The following SCML4 variants were observed in gnomAD, a reference collection of about 807,000 sequenced individuals.
The protein encoded by SCML4 is sex comb on midleg-like protein 4.
In SCML4, 34 loss-of-function variants were observed where a neutral mutation model predicts 41.1. The ratio of observed to expected loss-of-function variants is 0.83; its 90% CI spans 0.63 to 1.10. The LOEUF is 1.10. Ranked by LOEUF, SCML4 falls within the 50% of genes least tolerant of loss-of-function variation. SCML4 has a pLI of 0.00. For missense variants in SCML4, 522 were observed against 534.1 expected (o/e 0.98, Z 0.22); for synonymous variants, 214 against 220.9 (o/e 0.97, Z 0.28).
chr6:107,782,785 G>A (rs1471386219), intron 1 of SCML4, among the ~76,000 whole-genome samples: 65 of 149,482 alleles, frequency 4.3e-4, no homozygotes, highest in Non-Finnish European at 7.6e-4. Flanking sequence ...GGCAGGTGCT[G>A]GTCTGAGTTT....
At chr6:107,817,008 C>T (rs979199193) in intron 1 of SCML4, among the ~76,000 whole-genome samples, 2 of 152,142 alleles carry the variant, frequency 1.3e-5, no homozygotes, top group African/African-American at 4.8e-5. Context: ...CAAAGCGTGG[C>T]CTGGGTTTTC....
chr6:107,811,636 C>T (rs1784167013), intron 1 of SCML4, among the ~76,000 whole-genome samples: 1 of 152,188 alleles, frequency 6.6e-6, no homozygotes, highest in Admixed American at 6.5e-5. Flanking sequence ...CCTGAAGTTC[C>T]CCTCAATGAT....
rs995184696 is a variant in SCML4, at chr6:107,745,107, C to A, written c.524G>T (p.Ser175Ile). The change falls in exon 5 of 8, where the codon AGC becomes ATC. Residue 175 changes from serine (S) to isoleucine (I), a missense_variant. By Grantham distance (142) the Ser-to-Ile change is moderately radical. Transcript: ENST00000369020. ...GCCGATGCTGTTCACCACAGGCAGGCTCCGCAGGTGCTGTTTGCCATCAAA... is the reference window on the plus strand; with the variant it reads ...GCCGATGCTGTTCACCACAGGCAGGATCCGCAGGTGCTGTTTGCCATCAAA... Reference protein sequence around the residue: ...ASFDGKQHLRSLPVVNSIGYV... With the variant: ...ASFDGKQHLRILPVVNSIGYV... The A allele has an allele frequency of 1.9e-6, 3 of 1,603,126 alleles. No individual in the cohort carries two copies. Among genetic ancestry groups the A allele is most frequent in the Non-Finnish European group, 2.6e-6 (3 of 1,174,678 alleles).
At chr6:107,820,440 T>A (rs1033239532) in intron 1 of SCML4, among the ~76,000 whole-genome samples, 1 of 152,232 alleles carries the variant, frequency 6.6e-6, no homozygotes, top group Non-Finnish European at 1.5e-5. Context: ...TGGGGCAGGC[T>A]GCTCTGCAAT....
chr6:107,774,369 A>G (rs17528484), intron 1 of SCML4, among the ~76,000 whole-genome samples: 27,572 of 152,148 alleles, frequency 0.18, 3,037 homozygotes, highest in South Asian at 0.27. Context: ...CTTAAAGTCA[A>G]TCAGTTAGGA....
intron 1 of SCML4, among the ~76,000 whole-genome samples, chr6:107,785,175 T>C (rs1297288859): frequency 6.6e-6 from 1 of 152,220 alleles, no homozygotes; most frequent in Admixed American, 6.5e-5. Flanking sequence ...GGTCCAGAGT[T>C]GTATTTGGGT....
intron 7 of SCML4, among the ~76,000 whole-genome samples, 161 bp downstream of exon 7, chr6:107,707,705 G>T (rs1039481858): frequency 6.6e-6 from 1 of 152,186 alleles, no homozygotes; most frequent in African/African-American, 2.4e-5. Flanking sequence ...GGTTGTACCT[G>T]TCCCTCTCAT....
chr6:107,744,383 T>C (rs1158607311), intron 5 of SCML4, among the ~76,000 whole-genome samples: 2 of 152,210 alleles, frequency 1.3e-5, no homozygotes, highest in East Asian at 3.8e-4. Flanking sequence ...TAGGCCACTT[T>C]CCATCTTGTG....
At chr6:107,749,321 G>T (rs141866762) in intron 3 of SCML4, among the ~76,000 whole-genome samples, 1 of 152,202 alleles carries the variant, frequency 6.6e-6, no homozygotes, top group African/African-American at 2.4e-5. Context: ...AGCAAACACA[G>T]GAACAAGAGC....
intron 6 of SCML4, among the ~76,000 whole-genome samples, chr6:107,717,821 T>G (rs978591240): frequency 1.3e-5 from 2 of 152,206 alleles, no homozygotes; most frequent in Non-Finnish European, 2.9e-5. Context: ...GTGGTGGGAT[T>G]GCAGGCATGA....
At chr6:107,800,217 A>G (rs1783012919) in intron 1 of SCML4, among the ~76,000 whole-genome samples, 2 of 152,182 alleles carry the variant, frequency 1.3e-5, no homozygotes, top group Admixed American at 1.3e-4. Flanking sequence ...CCTTCTTTAC[A>G]TGTCTAATTA....
the SCML4 span, among the ~76,000 whole-genome samples, chr6:107,842,149 T>C: frequency 6.6e-6 from 1 of 152,166 alleles, no homozygotes; most frequent in Non-Finnish European, 1.5e-5. Flanking sequence ...ATTTTTTTCA[T>C]TTGTCTTGAG....
chr6:107,704,874 T>C lies in SCML4; in HGVS notation c.*326A>G. 1 of 378,732 alleles carries C rather than the reference T, an allele frequency of 2.6e-6. No individual in the cohort carries two copies. The highest frequency in any genetic ancestry group is 4.9e-6 in the Non-Finnish European group (1 of 204,276). The allele number at this position is 378,732 out of a possible 1,614,324, so 23.5% of individuals were successfully genotyped here. A position where few individuals can be genotyped will look rare whatever the true frequency, so the allele number is the denominator to read the frequency against. ...TTTCATCCTTTGAACCCTCCAGAACTCTCCTTGGGCATAAGCATTCAGTTC... is the reference window on the plus strand; with the variant it reads ...TTTCATCCTTTGAACCCTCCAGAACCCTCCTTGGGCATAAGCATTCAGTTC... On this transcript the variant is annotated 3_prime_UTR_variant, in exon 8 of 8. Transcript: ENST00000369020.
chr6:107,798,321 T>C (rs1782861223), intron 1 of SCML4, among the ~76,000 whole-genome samples: 1 of 152,006 alleles, frequency 6.6e-6, no homozygotes, highest in African/African-American at 2.4e-5. Context: ...TTTTCTGGTT[T>C]TCTATTTCAT....
At chr6:107,705,675 A>G (rs1230006164) in intron 7 of SCML4, among the ~76,000 whole-genome samples, 1 of 152,194 alleles carries the variant, frequency 6.6e-6, no homozygotes, top group African/African-American at 2.4e-5. Context: ...ACCGTCATCC[A>G]TTAGAACCTG....
At chr6:107,803,525 G>A (rs1313790002) in intron 1 of SCML4, among the ~76,000 whole-genome samples, 3 of 149,584 alleles carry the variant, frequency 2.0e-5, no homozygotes, top group Admixed American at 6.6e-5. Flanking sequence ...CCCTCTGCCC[G>A]GCCACCACCC....
At chr6:107,827,406 A>G (rs1489621706), upstream of SCML4, among the ~76,000 whole-genome samples, 1 of 150,356 alleles carries the variant, frequency 6.7e-6, no homozygotes, top group Non-Finnish European at 1.5e-5. Context: ...AAATATATAT[A>G]TTTAAACTTA....
chr6:107,807,024 A>T (rs191297705), intron 1 of SCML4, among the ~76,000 whole-genome samples: 1 of 150,228 alleles, frequency 6.7e-6, no homozygotes, highest in East Asian at 2.0e-4. Context: ...ATGAGTCTTA[A>T]GGGACTGGAA....
chr6:107,758,414 A>G (rs1779279027), intron 2 of SCML4, among the ~76,000 whole-genome samples: 1 of 152,246 alleles, frequency 6.6e-6, no homozygotes, highest in South Asian at 2.1e-4. Flanking sequence ...TTAGGTTGAG[A>G]TAATGGCAGT....
Sources: gnomAD v4.1 joint callset for allele counts (sites outside exome capture counted in the v4.1 genomes callset) on GRCh38, gnomAD v4.1.1 for gene constraint, MANE v1.5 for transcripts, NCBI Gene and HGNC (gene_info 2026-07-23, HGNC 2026-07-21) for gene names.